The following SCFD2 variants were observed in gnomAD, a reference collection of about 807,000 sequenced individuals.
SCFD2 encodes sec1 family domain-containing protein 2.
In SCFD2, 54 loss-of-function variants were observed where a neutral mutation model predicts 58.9. That is an observed-to-expected ratio of 0.92 (90% CI 0.74 to 1.15). SCFD2 has a LOEUF of 1.15. Among genes scored for constraint, SCFD2 ranks in the 50% most tolerant of loss-of-function variants. The pLI, the probability that SCFD2 is intolerant of heterozygous loss-of-function variation, is 0.00. For synonymous variants in SCFD2, 321 were observed against 335.9 expected (o/e 0.96, Z 0.49); for missense variants, 805 against 836.6 (o/e 0.96, Z 0.47).
intron 5 of SCFD2, among the ~76,000 whole-genome samples, chr4:53,092,362 C>A (rs1338119371): frequency 6.6e-6 from 1 of 152,078 alleles, no homozygotes; most frequent in African/African-American, 2.4e-5. Context: ...AATGGTACAG[C>A]CACTCTGAAA....
chr4:53,087,853 G>T (rs572832154), intron 5 of SCFD2, among the ~76,000 whole-genome samples: 1 of 150,506 alleles, frequency 6.6e-6, no homozygotes, highest in East Asian at 2.0e-4. Context: ...TAGAGATGGG[G>T]TTTCACCATC....
At chr4:53,246,972 T>A in intron 4 of SCFD2, among the ~76,000 whole-genome samples, 1 of 140,900 alleles carries the variant, frequency 7.1e-6, no homozygotes, top group African/African-American at 2.6e-5. Flanking sequence ...ATGTCCAACA[T>A]CTGTAAGGAA....
At chr4:53,343,160 C>T (rs577921644) in intron 2 of SCFD2, among the ~76,000 whole-genome samples, 1 of 152,136 alleles carries the variant, frequency 6.6e-6, no homozygotes, top group Non-Finnish European at 1.5e-5. Flanking sequence ...AAAAAATCAA[C>T]GAATCCAGGA....
At chr4:53,168,918 T>C (rs373789601) in intron 4 of SCFD2, among the ~76,000 whole-genome samples, 28 of 152,350 alleles carry the variant, frequency 1.8e-4, no homozygotes, top group African/African-American at 4.8e-4. Flanking sequence ...CCTCAGTCTC[T>C]GATAACTACC....
intron 6 of SCFD2, among the ~76,000 whole-genome samples, chr4:52,910,844 C>T (rs1169584734): frequency 6.6e-6 from 1 of 152,076 alleles, no homozygotes; most frequent in East Asian, 1.9e-4. Flanking sequence ...AGCAGCTTTT[C>T]CCCCTTTTGC....
intron 3 of SCFD2, among the ~76,000 whole-genome samples, chr4:53,299,088 G>A (rs1265803313): frequency 1.3e-5 from 2 of 152,212 alleles, no homozygotes; most frequent in African/African-American, 4.8e-5. Flanking sequence ...GAACAAAGCT[G>A]GACGGAGAAT....
chr4:52,985,214 T>C (rs1041714990), intron 5 of SCFD2, among the ~76,000 whole-genome samples: 2 of 152,236 alleles, frequency 1.3e-5, no homozygotes, highest in Non-Finnish European at 2.9e-5. Flanking sequence ...ATCCTTGCCC[T>C]GCTCCCTCCC....
intron 5 of SCFD2, among the ~76,000 whole-genome samples, chr4:53,055,032 A>C (rs1248033534): frequency 6.6e-6 from 1 of 152,150 alleles, no homozygotes; most frequent in Non-Finnish European, 1.5e-5. Flanking sequence ...TGTGTTTGTG[A>C]GTTGTAAGGC....
chr4:53,186,586 T>G lies in SCFD2; in HGVS notation c.1312-41004A>C, dbSNP rs145201460. ...AAAAGCAACAAGCAGTTATTCTGTTTCTGCAGATGACAGAACAAAAGAGAT... is the reference window on the plus strand; with the variant it reads ...AAAAGCAACAAGCAGTTATTCTGTTGCTGCAGATGACAGAACAAAAGAGAT... On this transcript the variant is annotated intron_variant, in intron 4 of 8. Coordinates refer to ENST00000401642, the MANE Select transcript of SCFD2 (RefSeq NM_152540.4). Among the ~76,000 whole-genome samples the G allele has an allele frequency of 5.8e-3, 884 of 152,192 alleles. 3 individuals are homozygous for G. The highest frequency in any genetic ancestry group is 9.6e-3 in the Admixed American group (146 of 15,260).
intron 4 of SCFD2, among the ~76,000 whole-genome samples, chr4:53,241,122 A>G (rs1729879063): frequency 6.6e-6 from 1 of 152,224 alleles, no homozygotes; most frequent in South Asian, 2.1e-4. Context: ...ATAGGCAAGG[A>G]GCAACCTGCT....
At chr4:52,971,012 T>C (rs1000960695) in intron 5 of SCFD2, among the ~76,000 whole-genome samples, 9 of 152,162 alleles carry the variant, frequency 5.9e-5, no homozygotes, top group African/African-American at 1.7e-4. Flanking sequence ...CAAAACCCTA[T>C]CTGTACGTCA....
chr4:52,920,409 T>C (rs1195607839), intron 6 of SCFD2, among the ~76,000 whole-genome samples: 2 of 152,212 alleles, frequency 1.3e-5, no homozygotes, highest in Non-Finnish European at 2.9e-5. Flanking sequence ...ATTTGGTACC[T>C]GTAGTCATTG....
chr4:53,113,077 C>G (rs569653018), intron 5 of SCFD2, among the ~76,000 whole-genome samples: 1 of 152,214 alleles, frequency 6.6e-6, no homozygotes, highest in Non-Finnish European at 1.5e-5. Context: ...CCACGTTAGT[C>G]ACATTTTGTG....
chr4:52,876,622 T>C (rs1442310300), intron 8 of SCFD2, among the ~76,000 whole-genome samples: 2 of 151,816 alleles, frequency 1.3e-5, no homozygotes, highest in Non-Finnish European at 2.9e-5. Context: ...TGGCGGTGCA[T>C]GCCTGCAGTC....
intron 4 of SCFD2, among the ~76,000 whole-genome samples, chr4:53,255,123 G>A (rs1045359276): frequency 3.3e-5 from 5 of 150,474 alleles, no homozygotes; most frequent in African/African-American, 1.2e-4. Flanking sequence ...TGCCCGCCTT[G>A]GCCTCCCAAA....
At chr4:53,136,727 AAG>A (rs1261326761) in intron 5 of SCFD2, among the ~76,000 whole-genome samples, 3 of 152,200 alleles carry the variant, frequency 2.0e-5, no homozygotes, top group Non-Finnish European at 2.9e-5. Context: ...CACAACTACT[AAG>A]AGTCAGAGTC....
intron 3 of SCFD2, among the ~76,000 whole-genome samples, chr4:53,277,977 C>T (rs1273161442): frequency 4.6e-5 from 7 of 151,456 alleles, no homozygotes; most frequent in African/African-American, 7.3e-5. Context: ...GGCGTGAACC[C>T]GGGAGGCGGA....
chr4:53,299,459 C>A (rs185086871), intron 3 of SCFD2, among the ~76,000 whole-genome samples: 2 of 152,288 alleles, frequency 1.3e-5, no homozygotes, highest in Non-Finnish European at 2.9e-5. Context: ...AAGACCAAAT[C>A]TATATTTCTG....
rs147438782 is a variant in SCFD2 at position 53,171,513 on chromosome 4, C to A, written c.1312-25931G>T. On this transcript the variant is annotated intron_variant, in intron 4 of 8. Coordinates refer to ENST00000401642, the MANE Select transcript of SCFD2 (RefSeq NM_152540.4). Reference sequence around the variant, plus strand: ...TAATTTCCTTCTCTGGCTTTGGTACCAAGATACGAGTTTGGAATTATTCCC... The same window carrying A: ...TAATTTCCTTCTCTGGCTTTGGTACAAAGATACGAGTTTGGAATTATTCCC... Among the ~76,000 whole-genome samples, 463 of 152,218 alleles carry A rather than the reference C, an allele frequency of 3.0e-3. 1 individual carries two copies. The highest frequency in any genetic ancestry group is 0.011 in the African/African-American group (444 of 41,522).
Sources: gnomAD v4.1 joint callset for allele counts (sites outside exome capture counted in the v4.1 genomes callset) on GRCh38, gnomAD v4.1.1 for gene constraint, MANE v1.5 for transcripts, NCBI Gene and HGNC (gene_info 2026-07-23, HGNC 2026-07-21) for gene names.